IGFL2: variants seen among roughly 807,000 people sequenced by gnomAD.
IGFL2 encodes IGF like family member 2, also known as insulin growth factor-like family member 2.
In IGFL2, 7 loss-of-function variants were observed where a neutral mutation model predicts 13.9. The observed-to-expected ratio is 0.51, with a 90% CI of 0.29 to 0.95. The LOEUF is 0.95. Among genes scored for constraint, IGFL2 ranks in the 40% least tolerant of loss-of-function variants. IGFL2 has a pLI of 0.08. For missense variants in IGFL2, 138 were observed against 147.8 expected (o/e 0.93, Z 0.34); for synonymous variants, 55 against 55.8 (o/e 0.99, Z 0.07).
chr19:46,102,616 C>A, the IGFL2 span, among the ~76,000 whole-genome samples: 2 of 152,026 alleles, frequency 1.3e-5, no homozygotes, highest in Non-Finnish European at 2.9e-5. Flanking sequence ...CAAATCACAA[C>A]GGTGGAATGT....
the IGFL2 span, among the ~76,000 whole-genome samples, chr19:46,108,165 A>T: frequency 5.9e-5 from 9 of 152,092 alleles, no homozygotes; most frequent in Admixed American, 5.9e-4. Flanking sequence ...GAGAGGTCAG[A>T]TGAGTCTGTA....
the IGFL2 span, among the ~76,000 whole-genome samples, chr19:46,168,848 T>C: frequency 2.9e-5 from 3 of 104,246 alleles, no homozygotes; most frequent in Non-Finnish European, 5.8e-5. Context: ...CTGTAATTTT[T>C]TTCCCTGTTT....
At chr19:46,165,983 G>A (rs1257541700), downstream of IGFL2, among the ~76,000 whole-genome samples, 2 of 152,218 alleles carry the variant, frequency 1.3e-5, no homozygotes, top group African/African-American at 2.4e-5. Context: ...TCTCGGACAT[G>A]CATATAATGG....
chr19:46,130,476 T>C, the IGFL2 span, among the ~76,000 whole-genome samples: 6 of 152,332 alleles, frequency 3.9e-5, no homozygotes, highest in South Asian at 1.0e-3. Flanking sequence ...TACCATGTTA[T>C]TTAAAATATG....
the IGFL2 span, among the ~76,000 whole-genome samples, chr19:46,081,032 A>T: frequency 6.6e-6 from 1 of 152,184 alleles, no homozygotes; most frequent in Admixed American, 6.5e-5. Context: ...AACCCAGCCC[A>T]CAATTGGCCA....
chr19:46,177,238 T>C, the IGFL2 span, among the ~76,000 whole-genome samples: 8 of 151,532 alleles, frequency 5.3e-5, no homozygotes, highest in African/African-American at 1.9e-4. Flanking sequence ...CTACTGAAAA[T>C]ACAAAAATTA....
Position 46,161,139 on chromosome 19 carries a change from G to C in IGFL2, c.*51G>C. On this transcript the variant is annotated 3_prime_UTR_variant, in exon 4 of 4. Transcript: ENST00000377693. ...TCACTAAGGCATCTCAGAAACATAG[G>C]CTAAGGTAATATGTGTACCAGTAGA... The C allele has an allele frequency of 6.9e-7, 1 of 1,457,952 alleles. No individual in the cohort carries two copies. Among genetic ancestry groups the C allele is most frequent in the Admixed American group, 1.9e-5 (1 of 52,186 alleles). The allele number at this position is 1,457,952 out of a possible 1,614,324, so 90.3% of individuals were successfully genotyped here.
At chr19:46,085,552 A>G in the IGFL2 span, among the ~76,000 whole-genome samples, 11 of 152,204 alleles carry the variant, frequency 7.2e-5, no homozygotes, top group Admixed American at 2.6e-4. Flanking sequence ...AATACAGTAT[A>G]CAGTTGGGTC....
chr19:46,198,885 T>A, the IGFL2 span, among the ~76,000 whole-genome samples: 3 of 152,186 alleles, frequency 2.0e-5, no homozygotes, highest in Non-Finnish European at 2.9e-5. Flanking sequence ...CAGATGGAAC[T>A]AACACCACAA....
At chr19:46,149,315 C>T (rs1973343557) in intron 1 of IGFL2, among the ~76,000 whole-genome samples, 1 of 129,584 alleles carries the variant, frequency 7.7e-6, no homozygotes, top group South Asian at 2.9e-4. Flanking sequence ...CCCCCTCCCC[C>T]TCCCCTCCCC....
chr19:46,118,772 G>C, the IGFL2 span, among the ~76,000 whole-genome samples: 2 of 152,184 alleles, frequency 1.3e-5, no homozygotes, highest in Admixed American at 1.3e-4. Context: ...CTGAAGTTGA[G>C]ACTTACACGT....
chr19:46,190,183 C>T, the IGFL2 span: 1 of 152,328 alleles, frequency 6.6e-6, no homozygotes, highest in South Asian at 2.1e-4. Context: ...TTCTGTTGAT[C>T]TGGGCCAGGC....
At chr19:46,126,984 T>C in the IGFL2 span, among the ~76,000 whole-genome samples, 3 of 152,168 alleles carry the variant, frequency 2.0e-5, no homozygotes, top group Non-Finnish European at 2.9e-5. Context: ...TGAAACTTAG[T>C]ATATTTATGA....
At chr19:46,137,762 GAA>G in the IGFL2 span, among the ~76,000 whole-genome samples, 1 of 152,184 alleles carries the variant, frequency 6.6e-6, no homozygotes, top group African/African-American at 2.4e-5. Flanking sequence ...TTGATTCAAA[GAA>G]CCAGTCTTTG....
At chr19:46,134,919 C>G in the IGFL2 span, among the ~76,000 whole-genome samples, 3 of 152,136 alleles carry the variant, frequency 2.0e-5, no homozygotes, top group Admixed American at 6.5e-5. Context: ...AAGGAGAGCC[C>G]TAGGTGCATA....
chr19:46,102,904 G>T, the IGFL2 span, among the ~76,000 whole-genome samples: 3 of 152,124 alleles, frequency 2.0e-5, no homozygotes, highest in African/African-American at 7.2e-5. Context: ...ATGGGAACCT[G>T]GAGTGGGAAA....
chr19:46,084,536 G>A, the IGFL2 span, among the ~76,000 whole-genome samples: 1 of 152,156 alleles, frequency 6.6e-6, no homozygotes, highest in African/African-American at 2.4e-5. Context: ...TAAAAAAAGA[G>A]CTTTCATTGA....
chr19:46,200,473 C>CCTTTCTTTTCTTTT, the IGFL2 span, among the ~76,000 whole-genome samples: 7 of 134,278 alleles, frequency 5.2e-5, no homozygotes, highest in East Asian at 1.5e-3. Flanking sequence ...CACACCTGGC[C>CCTTTCTTTTCTTTT]CTTTTCTTTT....
At chr19:46,090,696 G>A in the IGFL2 span, among the ~76,000 whole-genome samples, 5,375 of 152,302 alleles carry the variant, frequency 0.035, 145 homozygotes, top group East Asian at 0.071. Flanking sequence ...GCCTGTGGCT[G>A]CTGGTGCCTG....
Sources: gnomAD v4.1 joint callset for allele counts (sites outside exome capture counted in the v4.1 genomes callset) on GRCh38, gnomAD v4.1.1 for gene constraint, MANE v1.5 for transcripts, NCBI Gene and HGNC (gene_info 2026-07-23, HGNC 2026-07-21) for gene names.